The following OLFM1 variants were observed in gnomAD, a reference collection of about 807,000 sequenced individuals.
OLFM1 encodes the protein noelin.
In OLFM1, 9 loss-of-function variants were observed where a neutral mutation model predicts 49.7. The ratio of observed to expected loss-of-function variants is 0.18; its 90% CI spans 0.11 to 0.32. The LOEUF is 0.32. Among genes scored for constraint, OLFM1 ranks in the 10% least tolerant of loss-of-function variants. The probability of loss-of-function intolerance (pLI) is 1.00; values close to 1 mark genes in which losing one functional copy is unlikely to be tolerated. For missense variants in OLFM1, 369 were observed against 661.8 expected, an observed-to-expected ratio of 0.56 and a Z score of 4.85; for synonymous variants, 240 against 271.8, an observed-to-expected ratio of 0.88 and a Z score of 1.15.
chr9:135,098,635 T>C lies in OLFM1; in HGVS notation c.676+130T>C. 1 of 759,172 alleles carries C rather than the reference T, an allele frequency of 1.3e-6. No individual in the cohort carries two copies. Among genetic ancestry groups the C allele is most frequent in the Non-Finnish European group, 2.2e-6 (1 of 462,614 alleles). The allele number at this position is 759,172 out of a possible 1,614,324, so 47.0% of individuals were successfully genotyped here. A position where few individuals can be genotyped will look rare whatever the true frequency, so the allele number is the denominator to read the frequency against. The stretch of plus-strand genomic sequence containing the variant: ...GAGGTGATGGCTGGATTAGGGCTCC[T>C]GGGCAGGTCTACCTTGAGAGACAGC... On this transcript the variant is annotated intron_variant, in intron 4 of 5. Coordinates refer to ENST00000371793, the MANE Select transcript of OLFM1 (RefSeq NM_001282611.2). This position sits in a 1 kb window ranked among gnomAD's most constrained non-coding sequence, Gnocchi z 5.6.
At chr9:135,091,827 TCACA>T (rs1564271150) in intron 2 of OLFM1, among the ~76,000 whole-genome samples, 1 of 52,886 alleles carries the variant, frequency 1.9e-5, no homozygotes, top group East Asian at 5.3e-4. Context: ...TCACACACAC[TCACA>T]GTCACACACA....
intron 1 of OLFM1, chr9:135,075,936 T>C: frequency 7.2e-7 from 1 of 1,385,354 alleles, no homozygotes; most frequent in Non-Finnish European, 9.4e-7. Context: ...AGTGCCGGGG[T>C]TGGGGAGGGG....
chr9:135,087,624 C>G, upstream of OLFM1: 1 of 652,460 alleles, frequency 1.5e-6, no homozygotes, highest in Non-Finnish European at 2.2e-6. Flanking sequence ...CGGCCGAGCC[C>G]CGCCTCCCGG....
chr9:135,101,480 G>A (rs1047650395), intron 4 of OLFM1, among the ~76,000 whole-genome samples: 1 of 152,218 alleles, frequency 6.6e-6, no homozygotes, highest in Non-Finnish European at 1.5e-5. Context: ...AAGGACCAGG[G>A]CTCCATCAGT....
chr9:135,106,803 C>T lies in OLFM1; in HGVS notation c.731C>T (p.Ser244Leu), dbSNP rs753829240. The stretch of plus-strand genomic sequence containing the variant: ...CCCGTGACTGTCAAGACCTCCGGCT[C>T]GAGGTTCGGATCCTGGATGACAGAC... ...SDPVTVKTSGSRFGSWMTDPL... is the reference protein window; with the variant it reads ...SDPVTVKTSGLRFGSWMTDPL... The change falls in exon 5 of 6, where the codon TCG becomes TTG. Residue 244 changes from serine (S) to leucine (L), a missense_variant. This residue lies in a region of OLFM1 where 294 missense variants were observed against 567.5 expected (regional missense o/e 0.52). Coordinates refer to ENST00000371793, the MANE Select transcript of OLFM1 (RefSeq NM_001282611.2). 5 of 1,613,492 alleles carry T rather than the reference C, an allele frequency of 3.1e-6. No homozygotes were observed. Among genetic ancestry groups the T allele is most frequent in the South Asian group, 2.2e-5 (2 of 90,992 alleles).
chr9:135,118,317 G>C (rs1831124489), intron 5 of OLFM1, among the ~76,000 whole-genome samples: 1 of 151,460 alleles, frequency 6.6e-6, no homozygotes, highest in African/African-American at 2.4e-5. Context: ...CAGGTCTTTG[G>C]AAGTGCTCAC....
chr9:135,084,683 A>G (rs544932030), upstream of OLFM1, among the ~76,000 whole-genome samples: 1 of 150,964 alleles, frequency 6.6e-6, no homozygotes, highest in South Asian at 2.1e-4. This position sits in a 1 kb window ranked among gnomAD's most constrained non-coding sequence, Gnocchi z 4.6. Flanking sequence ...TAGCCTGAGG[A>G]GAGTATGCGT....
chr9:135,090,048 G>C, intron 1 of OLFM1, 147 bp from the exon 2 acceptor site: 1 of 724,022 alleles, frequency 1.4e-6, no homozygotes, highest in Non-Finnish European at 2.2e-6. Context: ...TCTTCCCTTT[G>C]GGTCAAACAT....
rs1329991661 is a variant in OLFM1 at position 135,076,392 on chromosome 9, G to A, written c.96+590G>A. The A allele has an allele frequency of 4.6e-6, 7 of 1,505,568 alleles. No homozygotes were observed. In the Admixed American group the frequency reaches 1.4e-4, roughly 31 times the overall value. 93.3% of individuals were successfully genotyped at this position (1,505,568 alleles called of 1,614,324 possible). The stretch of plus-strand genomic sequence containing the variant: ...GGCTGTGGCCACATGCCCGGCAGGA[G>A]GTGAGTGAGGAGCCCTGTGGCGTGC... On this transcript the variant is annotated intron_variant, in intron 1 of 5. Transcript: ENST00000252854.
At position 135,080,046 on chromosome 9, in the gene OLFM1, A is replaced by C. The variant is rs543961441; in HGVS notation, c.96+4244A>C. ...GGCAGACGAGAAGACCAGGGAGGTG[A>C]TGCTGACTTAGGCTTTCAGAGAACC... is the stretch of plus-strand genomic sequence containing the variant. On this transcript the variant is annotated intron_variant, in intron 1 of 5. Coordinates refer to the OLFM1 transcript ENST00000252854. The surrounding 1 kb of genome is among the most constrained non-coding windows in gnomAD (Gnocchi z 4.5). Among the ~76,000 whole-genome samples, 1 of 152,066 alleles carries C rather than the reference A, an allele frequency of 6.6e-6. No individual in the cohort carries two copies. Among genetic ancestry groups the C allele is most frequent in the East Asian group, 1.9e-4 (1 of 5,144 alleles).
chr9:135,087,270 G>T, upstream of OLFM1: 1 of 1,462,512 alleles, frequency 6.8e-7, no homozygotes, highest in South Asian at 1.3e-5. Flanking sequence ...GAATCACCGC[G>T]GAAAAGGGCT....
At position 135,076,568 on chromosome 9, in the gene OLFM1, C is replaced by T. The variant is rs567532126; in HGVS notation, c.96+766C>T. 44 of 1,093,972 alleles carry T rather than the reference C, an allele frequency of 4.0e-5. 2 individuals are homozygous for T. The South Asian group carries it at 5.7e-4, about 14-fold the overall frequency. The allele number at this position is 1,093,972 out of a possible 1,614,324, so 67.8% of individuals were successfully genotyped here. On this transcript the variant is annotated intron_variant, in intron 1 of 5. Coordinates refer to the OLFM1 transcript ENST00000252854. Reference sequence around the variant, plus strand: ...GAGGAGAAGGGCTGTCTGTGAGCGCCGAACTGGGAGGGTTGCTTTGGCACT... The same window carrying T: ...GAGGAGAAGGGCTGTCTGTGAGCGCTGAACTGGGAGGGTTGCTTTGGCACT...
chr9:135,104,081 G>T (rs935773642), intron 4 of OLFM1, among the ~76,000 whole-genome samples: 5 of 152,210 alleles, frequency 3.3e-5, no homozygotes, highest in Non-Finnish European at 7.3e-5. Context: ...CTTCCCTGGG[G>T]CAGTAAGACC....
chr9:135,087,021 G>C (rs982584383), upstream of OLFM1, among the ~76,000 whole-genome samples: 14 of 152,230 alleles, frequency 9.2e-5, no homozygotes, highest in Non-Finnish European at 1.5e-4. Flanking sequence ...CGCGGGCCAC[G>C]GCAGACCACC....
At chr9:135,096,088 CCTCCTCTCCTCCTTCTCT>C (rs1830787852) in intron 3 of OLFM1, 69 bp downstream of exon 3, 1 of 1,365,084 alleles carries the variant, frequency 7.3e-7, no homozygotes, top group African/African-American at 1.8e-5. Flanking sequence ...CCTTCCCCTC[CCTCCTCTCCTCCTTCTCT>C]TCTTCCTCCT....
chr9:135,091,635 TCA>T (rs1282503975), intron 2 of OLFM1, among the ~76,000 whole-genome samples: 21 of 54,350 alleles, frequency 3.9e-4, no homozygotes, highest in African/African-American at 1.3e-3. Flanking sequence ...ACTCACATAG[TCA>T]CACACACTCA....
At position 135,113,636 on chromosome 9, in the gene OLFM1, G is replaced by A. The variant is rs1831053891; in HGVS notation, c.784-5868G>A. Among the ~76,000 whole-genome samples the A allele has an allele frequency of 6.6e-6, 1 of 152,174 alleles. No individual in the cohort carries two copies. ...CCACGTGGACACCCCTCACTCTGTG[G>A]GATCCACAGAGCAGTGCCTGGGAGG... On this transcript the variant is annotated intron_variant, in intron 5 of 5. Transcript: ENST00000371793. The surrounding 1 kb of genome is among the most constrained non-coding windows in gnomAD (Gnocchi z 4.0).
At chr9:135,095,000 C>G (rs553569712) in intron 2 of OLFM1, 6 of 152,198 alleles carry the variant, frequency 3.9e-5, no homozygotes, top group Admixed American at 1.3e-4. Context: ...CCCGCAGCCC[C>G]GAATGCATTT....
rs1386544237 is a variant in OLFM1 at position 135,080,917 on chromosome 9, C to A, written c.96+5115C>A. Among the ~76,000 whole-genome samples, 1 of 151,774 alleles carries A rather than the reference C, an allele frequency of 6.6e-6. No individual in the cohort carries two copies. Among genetic ancestry groups the A allele is most frequent in the Non-Finnish European group, 1.5e-5 (1 of 67,966 alleles). On this transcript the variant is annotated intron_variant, in intron 1 of 5. Coordinates refer to the OLFM1 transcript ENST00000252854. This position sits in a 1 kb window ranked among gnomAD's most constrained non-coding sequence, Gnocchi z 4.5. The stretch of plus-strand genomic sequence containing the variant: ...GAAGAGAGAACAGGAAGTAAAAATG[C>A]ACACCTCTGAGTTTTTTTAGATTAT...
Sources: allele counts gnomAD v4.1 joint callset (sites outside exome capture counted in the v4.1 genomes callset), GRCh38; gene constraint gnomAD v4.1.1; regional missense constraint gnomAD v4.1.1; non-coding constraint Gnocchi (gnomAD v3.1); transcripts MANE v1.5; gene names NCBI Gene and HGNC (gene_info 2026-07-23, HGNC 2026-07-21).